GABRB1: variants seen among roughly 807,000 people sequenced by gnomAD.
GABRB1 encodes gamma-aminobutyric acid receptor subunit beta-1.
A neutral mutation model predicts 51.6 loss-of-function variants in GABRB1; 17 were observed. The ratio of observed to expected loss-of-function variants is 0.33; its 90% CI spans 0.23 to 0.49. GABRB1 has a LOEUF of 0.49. Among genes scored for constraint, GABRB1 ranks in the 20% least tolerant of loss-of-function variants. The probability of loss-of-function intolerance (pLI) is 0.99; values close to 1 mark genes in which losing one functional copy is unlikely to be tolerated. For missense variants in GABRB1, 410 were observed against 600.6 expected, an observed-to-expected ratio of 0.68 and a Z score of 3.32; for synonymous variants, 247 against 218.9, an observed-to-expected ratio of 1.13 and a Z score of -1.14.
intron 3 of GABRB1, among the ~76,000 whole-genome samples, chr4:47,072,039 A>G (rs534506958): frequency 2.0e-4 from 23 of 117,054 alleles, no homozygotes; most frequent in African/African-American, 6.4e-4. Flanking sequence ...GTCATCAGTT[A>G]AGGGAAAAAA....
At chr4:47,014,073 C>T (rs963731743) in intron 1 of GABRB1, among the ~76,000 whole-genome samples, 5 of 151,974 alleles carry the variant, frequency 3.3e-5, no homozygotes, top group African/African-American at 7.2e-5. Flanking sequence ...GTATATGCTA[C>T]GAAGTAGGTA....
chr4:47,153,470 C>A (rs941667373), intron 3 of GABRB1, among the ~76,000 whole-genome samples: 2 of 151,920 alleles, frequency 1.3e-5, no homozygotes, highest in African/African-American at 2.4e-5. Flanking sequence ...GATTCATCAT[C>A]AAAAAAGATT....
intron 4 of GABRB1, among the ~76,000 whole-genome samples, chr4:47,255,616 G>A (rs1221925018): frequency 3.3e-5 from 5 of 152,232 alleles, no homozygotes; most frequent in African/African-American, 1.2e-4. Flanking sequence ...CCAGAAGGGT[G>A]ATGATCGTGA....
At chr4:47,253,954 C>G (rs771176798) in intron 4 of GABRB1, among the ~76,000 whole-genome samples, 11 of 152,120 alleles carry the variant, frequency 7.2e-5, no homozygotes, top group South Asian at 4.1e-4. Flanking sequence ...AAATGGATAA[C>G]ATCTCTTTAT....
At chr4:47,161,604 G>A (rs1577963326) in intron 4 of GABRB1, 135 bp downstream of exon 4, 1 of 677,258 alleles carries the variant, frequency 1.5e-6, no homozygotes, top group Non-Finnish European at 2.5e-6. Context: ...ACTTATGAAG[G>A]TCTATTACAA....
rs528273328 is a variant in GABRB1 at position 47,195,308 on chromosome 4, A to G, written c.461+33839A>G. On this transcript the variant is annotated intron_variant, in intron 4 of 8. Transcript: ENST00000295454. ...CGTGAACCCGGGAGGTGGAGCTTGC[A>G]GTGAGCCAAGATCATGCCACTGCAC... 4.6e-5 allele frequency among the ~76,000 whole-genome samples: 7 copies of G among 152,198 alleles called. No individual in the cohort carries two copies. The South Asian group carries it at 1.2e-3, about 27-fold the overall frequency.
intron 4 of GABRB1, among the ~76,000 whole-genome samples, chr4:47,281,611 A>G (rs766796516): frequency 1.3e-5 from 2 of 152,210 alleles, no homozygotes; most frequent in Non-Finnish European, 2.9e-5. Context: ...TTATTTTAAC[A>G]TTATTCACAA....
intron 4 of GABRB1, among the ~76,000 whole-genome samples, chr4:47,292,904 G>T (rs1395172471): frequency 1.3e-5 from 2 of 152,166 alleles, no homozygotes; most frequent in African/African-American, 4.8e-5. Flanking sequence ...CAATTCATGA[G>T]GGTGGAGCAC....
intron 3 of GABRB1, among the ~76,000 whole-genome samples, chr4:47,113,321 G>T (rs1046316409): frequency 6.6e-6 from 1 of 151,482 alleles, no homozygotes; most frequent in Non-Finnish European, 1.5e-5. Context: ...GGGAGGCGGA[G>T]GTTGCAGTGA....
intron 4 of GABRB1, among the ~76,000 whole-genome samples, chr4:47,309,686 T>C (rs562536127): frequency 6.6e-5 from 10 of 152,204 alleles, no homozygotes; most frequent in Non-Finnish European, 1.0e-4. Context: ...TACCTATAGG[T>C]TGACCAAAGT....
intron 3 of GABRB1, among the ~76,000 whole-genome samples, chr4:47,117,591 A>G (rs1292220570): frequency 6.6e-6 from 1 of 152,230 alleles, no homozygotes; most frequent in Non-Finnish European, 1.5e-5. Flanking sequence ...TGGTTCTACC[A>G]CTTAATAGAA....
At position 47,403,824 on chromosome 4, in the gene GABRB1, T is replaced by C. The variant is rs143635892; in HGVS notation, c.835+113T>C. 1.8e-3 allele frequency: 1,667 copies of C among 933,090 alleles called. 23 individuals are homozygous for C. In the African/African-American group the frequency reaches 0.025, roughly 14 times the overall value. 57.8% of individuals were successfully genotyped at this position (933,090 alleles called of 1,614,324 possible). ...TATAGCAAGCCAAAGAATTAGATCA[T>C]CTTACAAGTCCCTGAATATAAAACA... On this transcript the variant is annotated intron_variant, in intron 7 of 8. Coordinates refer to ENST00000295454, the MANE Select transcript of GABRB1 (RefSeq NM_000812.4).
At chr4:47,100,940 G>A (rs943087924) in intron 3 of GABRB1, among the ~76,000 whole-genome samples, 2 of 151,994 alleles carry the variant, frequency 1.3e-5, no homozygotes, top group Non-Finnish European at 2.9e-5. Flanking sequence ...ATGTCAAGGA[G>A]ATAGGCAAAT....
rs570487863 is a variant in GABRB1, at chr4:47,426,181, CA to C, written c.*168del. ...TTTTATTACTGCACCATGTTTACTT[CA>C]AAAAGACAAAACAAAAAAAAAATTA... On this transcript the variant is annotated 3_prime_UTR_variant, in exon 9 of 9. Transcript: ENST00000295454. 443 of 508,488 alleles carry C rather than the reference CA, an allele frequency of 8.7e-4. No individual in the cohort carries two copies. The highest frequency in any genetic ancestry group is 8.0e-3 in the African/African-American group (402 of 50,454). The allele number at this position is 508,488 out of a possible 1,614,324, so 31.5% of individuals were successfully genotyped here. A position where few individuals can be genotyped will look rare whatever the true frequency, so the allele number is the denominator to read the frequency against.
At position 47,404,103 on chromosome 4, in the gene GABRB1, G is replaced by A. The variant is rs936619904; in HGVS notation, c.835+392G>A. Among the ~76,000 whole-genome samples the A allele has an allele frequency of 7.2e-5, 11 of 152,150 alleles. No individual in the cohort carries two copies. In the East Asian group the frequency reaches 9.6e-4, roughly 13 times the overall value. ...GAATTTGGAGAAAGCTAAACCTTGT[G>A]ACTAATAACAAGCTGTCAATTGCTG... On this transcript the variant is annotated intron_variant, in intron 7 of 8. Transcript: ENST00000295454.
At chr4:47,394,104 T>C (rs1728099159) in intron 5 of GABRB1, among the ~76,000 whole-genome samples, 1 of 152,278 alleles carries the variant, frequency 6.6e-6, no homozygotes, top group South Asian at 2.1e-4. Flanking sequence ...GTTAGAGTGC[T>C]CAGGAGGGGA....
chr4:47,222,407 T>C (rs1720800881), intron 4 of GABRB1, among the ~76,000 whole-genome samples: 1 of 152,134 alleles, frequency 6.6e-6, no homozygotes, highest in African/African-American at 2.4e-5. Flanking sequence ...ACATAGATAC[T>C]GACTTTGGCC....
chr4:47,250,293 G>T (rs1233231886), intron 4 of GABRB1, among the ~76,000 whole-genome samples: 1 of 152,184 alleles, frequency 6.6e-6, no homozygotes, highest in East Asian at 1.9e-4. Flanking sequence ...ATCCCTTTTA[G>T]CTTGTAGGGT....
intron 4 of GABRB1, among the ~76,000 whole-genome samples, chr4:47,254,361 G>GTTTTTTTTTTT (rs56838956): frequency 2.7e-4 from 22 of 80,960 alleles, no homozygotes; most frequent in African/African-American, 8.8e-4. Context: ...TCTTTTCTTT[G>GTTTTTTTTTTT]TTTTTTTTTT....
Sources: allele counts gnomAD v4.1 joint callset (sites outside exome capture counted in the v4.1 genomes callset), GRCh38; gene constraint gnomAD v4.1.1; transcripts MANE v1.5; gene names NCBI Gene and HGNC (gene_info 2026-07-23, HGNC 2026-07-21).